The following TTC1 variants were observed in gnomAD, a reference collection of about 807,000 sequenced individuals.
TTC1 encodes the protein tetratricopeptide repeat domain 1, also known as tetratricopeptide repeat protein 1.
In TTC1, 31 loss-of-function variants were observed where a neutral mutation model predicts 37.6. The ratio of observed to expected loss-of-function variants is 0.82; its 90% CI spans 0.62 to 1.11. The LOEUF (loss-of-function observed/expected upper bound fraction) is 1.11, where lower values mean the gene tolerates loss of function less well. TTC1 is among the 50% of genes most tolerant of loss of function. The pLI is 0.00. For missense variants in TTC1, 351 were observed against 339.0 expected (o/e 1.04, Z -0.28); for synonymous variants, 127 against 122.4 (o/e 1.04, Z -0.25).
chr5:160,053,904 A>G (rs1757472860), intron 7 of TTC1, among the ~76,000 whole-genome samples: 1 of 152,232 alleles, frequency 6.6e-6, no homozygotes, highest in South Asian at 2.1e-4. Context: ...GGGTAGAACA[A>G]TTATTTGCTT....
chr5:160,042,589 A>T (rs1031194905), intron 4 of TTC1, among the ~76,000 whole-genome samples: 1 of 152,210 alleles, frequency 6.6e-6, no homozygotes, highest in East Asian at 1.9e-4. Context: ...CTAGATTCAG[A>T]AACTAATTGA....
rs900057842 is a variant in TTC1 at position 160,035,164 on chromosome 5, C to T, written c.355C>T (p.Leu119=). The change falls in exon 3 of 8, where the codon CTA becomes TTA. Residue 119 remains leucine (L), a synonymous_variant. Transcript: ENST00000231238. ...KQKRREESTR[L]KEEGNEQFKK... is the part of the protein sequence containing the mutation. ...GAAAAGAAGAGAAGAGAGCACTAGA[C>T]TAAAGGAGGAGGGAAATGAACAGTT... The T allele has an allele frequency of 7.5e-6, 12 of 1,603,342 alleles. No homozygotes were observed. Among genetic ancestry groups the T allele is most frequent in the Non-Finnish European group, 1.0e-5 (12 of 1,175,992 alleles).
At chr5:160,059,443 T>G (rs1757637562) in intron 7 of TTC1, among the ~76,000 whole-genome samples, 1 of 152,254 alleles carries the variant, frequency 6.6e-6, no homozygotes, top group South Asian at 2.1e-4. Flanking sequence ...TGGTTTGATC[T>G]TCTATCCAGA....
intron 6 of TTC1, among the ~76,000 whole-genome samples, chr5:160,050,316 A>C (rs986361897): frequency 6.6e-6 from 1 of 151,862 alleles, no homozygotes; most frequent in African/African-American, 2.4e-5. Context: ...GTGTGGTGGC[A>C]CATGCCTGTA....
At position 160,027,020 on chromosome 5, in the gene TTC1, C is replaced by G. The variant is rs945456648; in HGVS notation, c.331-8120C>G. 9.9e-5 allele frequency among the ~76,000 whole-genome samples: 14 copies of G among 141,928 alleles called. 1 individual carries two copies. The highest frequency in any genetic ancestry group is 7.8e-4 in the Admixed American group (11 of 14,148). The allele number at this position is 141,928 out of a possible 152,430, so 93.1% of individuals were successfully genotyped here. A position where few individuals can be genotyped will look rare whatever the true frequency, so the allele number is the denominator to read the frequency against. On this transcript the variant is annotated intron_variant, in intron 2 of 7. Transcript: ENST00000231238. Reference sequence around the variant, plus strand: ...TAGTCTACTTTAGTTTTTCGGGATTCTTTTTTTTTTTTCTTTTTCTTTTTT... The same window carrying G: ...TAGTCTACTTTAGTTTTTCGGGATTGTTTTTTTTTTTTCTTTTTCTTTTTT...
At position 160,045,491 on chromosome 5, in the gene TTC1, CACACACACACACACACACACACA is replaced by C. The variant is rs1561634735; in HGVS notation, c.541+2323_541+2345del. ...ACACACACACACACACACACACACA[CACACACACACACACACACACACA>C]TACACACTCTCTCTCTCTCTCTCTC... On this transcript the variant is annotated intron_variant, in intron 5 of 7. Transcript: ENST00000231238. Among the ~76,000 whole-genome samples, 208 of 121,202 alleles carry C rather than the reference CACACACACACACACACACACACA, an allele frequency of 1.7e-3. 2 individuals are homozygous for C. Among genetic ancestry groups the C allele is most frequent in the African/African-American group, 6.5e-3 (192 of 29,728 alleles). 79.5% of individuals were successfully genotyped at this position (121,202 alleles called of 152,430 possible).
At chr5:160,021,868 C>G (rs1249345178) in intron 2 of TTC1, among the ~76,000 whole-genome samples, 1 of 152,186 alleles carries the variant, frequency 6.6e-6, no homozygotes, top group Non-Finnish European at 1.5e-5. Context: ...GCATGTGCCT[C>G]CACTTTCCAG....
intron 2 of TTC1, among the ~76,000 whole-genome samples, chr5:160,033,058 C>G (rs919281511): frequency 6.6e-6 from 1 of 152,104 alleles, no homozygotes; most frequent in Non-Finnish European, 1.5e-5. Flanking sequence ...ATTCGTTAAG[C>G]CTCTCACTGA....
intron 5 of TTC1, among the ~76,000 whole-genome samples, chr5:160,044,169 A>G (rs550329264): frequency 6.6e-6 from 1 of 152,260 alleles, no homozygotes; most frequent in East Asian, 1.9e-4. Context: ...TGGGACAATT[A>G]TAGAGTGCAA....
intron 3 of TTC1, 64 bp downstream of exon 3, chr5:160,035,264 T>C: frequency 7.4e-7 from 1 of 1,347,286 alleles, no homozygotes; most frequent in Non-Finnish European, 1.0e-6. Flanking sequence ...GTAGAGTCTG[T>C]GAAGAAACCC....
rs1426573387 is a variant in TTC1 at position 160,057,892 on chromosome 5, CA to C, written c.745+6711del. Among the ~76,000 whole-genome samples, 2 of 152,116 alleles carry C rather than the reference CA, an allele frequency of 1.3e-5. No individual in the cohort carries two copies. Among genetic ancestry groups the C allele is most frequent in the Non-Finnish European group, 2.9e-5 (2 of 68,034 alleles). ...AAACAATTCTTCTGCCTCAGCCTCC[CA>C]AGTAGCTGGGATTACAGGTGTATGC... On this transcript the variant is annotated intron_variant, in intron 7 of 7. Transcript: ENST00000231238. This position sits in a 1 kb window ranked among gnomAD's most constrained non-coding sequence, Gnocchi z 4.4.
intron 5 of TTC1, among the ~76,000 whole-genome samples, chr5:160,044,416 A>G (rs181975856): frequency 2.6e-5 from 4 of 152,366 alleles, no homozygotes; most frequent in African/African-American, 7.2e-5. Context: ...GTATACTTAC[A>G]GTTATTTCTC....
At chr5:160,046,169 A>G (rs1320813010) in intron 5 of TTC1, among the ~76,000 whole-genome samples, 1 of 151,838 alleles carries the variant, frequency 6.6e-6, no homozygotes, top group African/African-American at 2.4e-5. Context: ...GTCTTATCCT[A>G]TTTTTCTCCT....
In TTC1 at chr5:160,045,901, C is replaced by T. The variant is rs565916508; in HGVS notation, c.541+2732C>T. On this transcript the variant is annotated intron_variant, in intron 5 of 7. Transcript: ENST00000231238. ...GGGACTACGGGCGCATGCCACCATG[C>T]CCGGCTAATTTTTGTATTTTTGGTA... is the stretch of plus-strand genomic sequence containing the variant. 1.6e-4 allele frequency among the ~76,000 whole-genome samples: 25 copies of T among 152,140 alleles called. 1 individual carries two copies. In the South Asian group the frequency reaches 2.9e-3, roughly 18 times the overall value.
At chr5:160,017,882 C>A (rs1179248415) in intron 2 of TTC1, among the ~76,000 whole-genome samples, 3 of 152,178 alleles carry the variant, frequency 2.0e-5, no homozygotes, top group African/African-American at 7.2e-5. Context: ...ACCCACTAGA[C>A]ATTGTTTGAG....
intron 2 of TTC1, among the ~76,000 whole-genome samples, chr5:160,023,469 T>C (rs1464286807): frequency 2.0e-5 from 3 of 152,102 alleles, no homozygotes; most frequent in Non-Finnish European, 2.9e-5. Flanking sequence ...TTTTTTTTAT[T>C]TTTAGGAGAG....
chr5:160,024,120 G>T, intron 2 of TTC1: 1 of 698,620 alleles, frequency 1.4e-6, no homozygotes, highest in Non-Finnish European at 2.5e-6. Flanking sequence ...TGTGTACATA[G>T]CACAGTGCCT....
At chr5:160,064,891 T>A in intron 7 of TTC1, 41 bp from the exon 8 acceptor site, 1 of 1,591,530 alleles carries the variant, frequency 6.3e-7, no homozygotes, top group Non-Finnish European at 8.5e-7. Flanking sequence ...CTGCTTCTGT[T>A]CATTCCTGTA....
intron 2 of TTC1, among the ~76,000 whole-genome samples, chr5:160,013,138 A>C (rs903897077): frequency 2.0e-5 from 3 of 152,224 alleles, no homozygotes; most frequent in Non-Finnish European, 4.4e-5. Flanking sequence ...CTTATTATTT[A>C]GAGAAATGTA....
Sources: gnomAD v4.1 joint callset for allele counts (sites outside exome capture counted in the v4.1 genomes callset) on GRCh38, gnomAD v4.1.1 for gene constraint, Gnocchi (gnomAD v3.1) non-coding constraint, MANE v1.5 for transcripts, NCBI Gene and HGNC (gene_info 2026-07-23, HGNC 2026-07-21) for gene names.